PAPPA2: variants seen among roughly 807,000 people sequenced by gnomAD.
The protein encoded by PAPPA2 is pappalysin-2.
Under a neutral mutation model 176.4 loss-of-function variants are expected in PAPPA2, and 86 were observed. That is an observed-to-expected ratio of 0.49 (90% CI 0.41 to 0.58). The LOEUF (loss-of-function observed/expected upper bound fraction) is 0.58. Among genes scored for constraint, PAPPA2 ranks in the 20% least tolerant of loss-of-function variants. The pLI, the probability that PAPPA2 is intolerant of heterozygous loss-of-function variation, is 0.00. For missense variants in PAPPA2, 2,073 were observed against 2,256.9 expected (o/e 0.92, Z 1.65); for synonymous variants, 809 against 852.2 (o/e 0.95, Z 0.88).
At chr1:176,820,161 G>A (rs992116273) in intron 21 of PAPPA2, among the ~76,000 whole-genome samples, 4 of 152,020 alleles carry the variant, frequency 2.6e-5, no homozygotes, top group African/African-American at 7.2e-5. Context: ...AAAACAACAC[G>A]CACCTATTTT....
chr1:176,615,480 T>C (rs1655152392), intron 3 of PAPPA2, among the ~76,000 whole-genome samples: 1 of 152,144 alleles, frequency 6.6e-6, no homozygotes. Flanking sequence ...CCGGCTAATT[T>C]TTTTTTCTTT....
At position 176,701,309 on chromosome 1, in the gene PAPPA2, A is replaced by T. The variant is rs76841483; in HGVS notation, c.3237-1298A>T. ...CCTCAAGAAAAGTAAACACATGCTG[A>T]TGTTTCCATCCAGTCCTTTCCCCAG... is the stretch of plus-strand genomic sequence containing the variant. On this transcript the variant is annotated intron_variant, in intron 8 of 22. Transcript: ENST00000367662. Among the ~76,000 whole-genome samples, 552 of 152,312 alleles carry T rather than the reference A, an allele frequency of 3.6e-3. 4 individuals are homozygous for T. The highest frequency in any genetic ancestry group is 0.013 in the African/African-American group (540 of 41,562).
At chr1:176,686,726 G>A (rs979836625) in intron 4 of PAPPA2, among the ~76,000 whole-genome samples, 1 of 152,180 alleles carries the variant, frequency 6.6e-6, no homozygotes, top group Non-Finnish European at 1.5e-5. Context: ...CTTCACATGT[G>A]TTCATGACTA....
In PAPPA2 at chr1:176,533,564, G is replaced by C. The variant is rs1007756723; in HGVS notation, c.-916-21843G>C. Among the ~76,000 whole-genome samples, 2 of 152,202 alleles carry C rather than the reference G, an allele frequency of 1.3e-5. 1 individual carries two copies. The highest frequency in any genetic ancestry group is 4.1e-4 in the South Asian group (2 of 4,832). On this transcript the variant is annotated intron_variant, in intron 1 of 22. Coordinates refer to ENST00000367662, the MANE Select transcript of PAPPA2 (RefSeq NM_020318.3). ...TTTCTTTGACCAACTAGCTGGAGGC[G>C]TGAGGATGTTTTGTACCTCCTCCCT... is the stretch of plus-strand genomic sequence containing the variant.
At chr1:176,484,563 C>A (rs148846321) in intron 1 of PAPPA2, among the ~76,000 whole-genome samples, 1 of 152,134 alleles carries the variant, frequency 6.6e-6, no homozygotes, top group African/African-American at 2.4e-5. Flanking sequence ...GTTTGCTTTG[C>A]AGTTCAGAAA....
At chr1:176,483,556 C>T (rs1196317452) in intron 1 of PAPPA2, among the ~76,000 whole-genome samples, 1 of 149,348 alleles carries the variant, frequency 6.7e-6, no homozygotes, top group South Asian at 2.1e-4. Flanking sequence ...CTGCAATCTC[C>T]GCTTCCCGGG....
intron 14 of PAPPA2, among the ~76,000 whole-genome samples, chr1:176,761,041 T>G (rs1218273374): frequency 1.3e-5 from 2 of 152,108 alleles, no homozygotes; most frequent in East Asian, 3.9e-4. Flanking sequence ...CAGGATGATC[T>G]CGATCTCCTG....
chr1:176,809,612 C>A (rs1226812581), intron 21 of PAPPA2, among the ~76,000 whole-genome samples: 1 of 152,032 alleles, frequency 6.6e-6, no homozygotes, highest in Admixed American at 6.6e-5. Context: ...GATGCAGAGG[C>A]CAATATATAA....
chr1:176,526,367 TG>T (rs1649500459), intron 1 of PAPPA2, among the ~76,000 whole-genome samples: 2 of 152,136 alleles, frequency 1.3e-5, no homozygotes, highest in South Asian at 4.2e-4. Context: ...TTGTGGCCAG[TG>T]GAATATGGGC....
chr1:176,538,079 A>G (rs1383336160), intron 1 of PAPPA2, among the ~76,000 whole-genome samples: 3 of 152,120 alleles, frequency 2.0e-5, no homozygotes, highest in African/African-American at 4.8e-5. Context: ...CACCTTCTCA[A>G]TATAGTAATC....
At chr1:176,659,705 C>T (rs1159737584) in intron 3 of PAPPA2, among the ~76,000 whole-genome samples, 1 of 152,050 alleles carries the variant, frequency 6.6e-6, no homozygotes, top group African/African-American at 2.4e-5. Context: ...TGTGTTTAAT[C>T]TTCAAGATTG....
At chr1:176,531,506 T>A (rs1649805692) in intron 1 of PAPPA2, among the ~76,000 whole-genome samples, 2 of 152,192 alleles carry the variant, frequency 1.3e-5, no homozygotes, top group Admixed American at 6.5e-5. Flanking sequence ...CTGATGACTT[T>A]CTGGATGTAG....
intron 2 of PAPPA2, among the ~76,000 whole-genome samples, chr1:176,590,364 G>A (rs1377695709): frequency 1.3e-5 from 2 of 152,086 alleles, no homozygotes; most frequent in Non-Finnish European, 2.9e-5. Flanking sequence ...ACCATTGTGG[G>A]AGTAATTTAT....
intron 14 of PAPPA2, among the ~76,000 whole-genome samples, chr1:176,749,060 A>T (rs1663044488): frequency 1.3e-4 from 1 of 7,650 alleles, no homozygotes; most frequent in African/African-American, 4.2e-4. Flanking sequence ...AGCAGTTTTG[A>T]TCCAGTATCT....
At chr1:176,681,104 G>A (rs772912094) in intron 4 of PAPPA2, among the ~76,000 whole-genome samples, 1 of 152,006 alleles carries the variant, frequency 6.6e-6, no homozygotes, top group Non-Finnish European at 1.5e-5. Flanking sequence ...TAGGTATCAG[G>A]GGGTGTATTG....
chr1:176,786,688 CG>C (rs1279053764), intron 17 of PAPPA2, among the ~76,000 whole-genome samples: 1 of 152,160 alleles, frequency 6.6e-6, no homozygotes, highest in African/African-American at 2.4e-5. Context: ...GCAGGAGGAC[CG>C]GGGGCTTCTG....
chr1:176,711,500 T>G (rs899868623), intron 11 of PAPPA2, among the ~76,000 whole-genome samples: 1 of 152,158 alleles, frequency 6.6e-6, no homozygotes, highest in Non-Finnish European at 1.5e-5. Flanking sequence ...TGCTGCCTGG[T>G]AAGGGCTTCA....
intron 21 of PAPPA2, among the ~76,000 whole-genome samples, chr1:176,828,464 A>G (rs1329025569): frequency 6.6e-6 from 1 of 151,474 alleles, no homozygotes; most frequent in African/African-American, 2.4e-5. Context: ...ATAAAAATAT[A>G]CTTTATGTTA....
intron 12 of PAPPA2, among the ~76,000 whole-genome samples, chr1:176,735,734 ATCTATC>A (rs1662379894): frequency 7.9e-6 from 1 of 126,404 alleles, no homozygotes; most frequent in South Asian, 2.5e-4. Context: ...CTATCTATCT[ATCTATC>A]ATCTATCTGT....
Sources: gnomAD v4.1 joint callset for allele counts (sites outside exome capture counted in the v4.1 genomes callset) on GRCh38, gnomAD v4.1.1 for gene constraint, MANE v1.5 for transcripts, NCBI Gene and HGNC (gene_info 2026-07-23, HGNC 2026-07-21) for gene names.